The following METTL15 variants were observed in gnomAD, a reference collection of about 807,000 sequenced individuals.
The protein encoded by METTL15 is methyltransferase 15, mitochondrial 12S rRNA N4-cytidine, also known as 12S rRNA N(4)-cytidine methyltransferase METTL15.
A neutral mutation model predicts 38.3 loss-of-function variants in METTL15; 34 were observed. The observed-to-expected ratio is 0.89, with a 90% confidence interval of 0.68 to 1.18. The LOEUF (loss-of-function observed/expected upper bound fraction) is 1.18. METTL15 is among the 50% of genes most tolerant of loss of function. METTL15 has a pLI of 0.00. For missense variants in METTL15, 438 were observed against 498.4 expected, an observed-to-expected ratio of 0.88 and a Z score of 1.15; for synonymous variants, 162 against 170.9, an observed-to-expected ratio of 0.95 and a Z score of 0.41.
intron 5 of METTL15, among the ~76,000 whole-genome samples, chr11:28,411,462 G>A (rs530334436): frequency 2.4e-4 from 36 of 152,046 alleles, no homozygotes; most frequent in Admixed American, 1.2e-3. Flanking sequence ...TTTTCAGCAA[G>A]GGCATCAAGA....
intron 5 of METTL15, among the ~76,000 whole-genome samples, chr11:28,392,994 AG>A: frequency 6.6e-6 from 1 of 152,078 alleles, no homozygotes; most frequent in East Asian, 1.9e-4. Context: ...GGGAAAAAAA[AG>A]AAAAAAAAGC....
chr11:28,368,140 A>C (rs1472371792), intron 5 of METTL15, among the ~76,000 whole-genome samples: 5 of 144,612 alleles, frequency 3.5e-5, no homozygotes, highest in East Asian at 2.3e-4. Context: ...AAAAAAAAAA[A>C]AACAAAAAAA....
intron 6 of METTL15, among the ~76,000 whole-genome samples, chr11:28,445,971 T>C (rs1851072159): frequency 6.6e-6 from 1 of 152,164 alleles, no homozygotes; most frequent in Non-Finnish European, 1.5e-5. Context: ...TTTTATATTG[T>C]GTCCCTGAAT....
chr11:28,312,866 G>A (rs1857353719), intron 6 of METTL15, among the ~76,000 whole-genome samples: 1 of 152,066 alleles, frequency 6.6e-6, no homozygotes, highest in African/African-American at 2.4e-5. Context: ...ACAGTCTCAT[G>A]ACCTGATCAT....
chr11:28,346,408 G>A (rs1849996533), intron 3 of METTL15, among the ~76,000 whole-genome samples: 1 of 152,108 alleles, frequency 6.6e-6, no homozygotes, highest in South Asian at 2.1e-4. Context: ...CACCAAAAAT[G>A]CAATGAGTCA....
chr11:28,235,916 C>A (rs1016796920), intron 4 of METTL15, among the ~76,000 whole-genome samples: 11 of 151,984 alleles, frequency 7.2e-5, no homozygotes, highest in Admixed American at 2.0e-4. Context: ...CAGTTTTTGC[C>A]CATTCAGTAT....
At chr11:28,244,962 GCC>G (rs1368640897) in intron 4 of METTL15, among the ~76,000 whole-genome samples, 1 of 152,142 alleles carries the variant, frequency 6.6e-6, no homozygotes, top group Admixed American at 6.6e-5. Flanking sequence ...TCTTTGTGCA[GCC>G]TGCAAGGTTT....
chr11:28,457,151 T>A (rs1293742220), intron 6 of METTL15, among the ~76,000 whole-genome samples: 1 of 152,222 alleles, frequency 6.6e-6, no homozygotes, highest in Non-Finnish European at 1.5e-5. Flanking sequence ...GGTTCTAAGT[T>A]GTAAGAAGAC....
At chr11:28,371,198 G>A (rs1486882879) in intron 5 of METTL15, among the ~76,000 whole-genome samples, 1 of 151,818 alleles carries the variant, frequency 6.6e-6, no homozygotes, top group Non-Finnish European at 1.5e-5. Flanking sequence ...AATCCATTTT[G>A]ATTTGATTTT....
chr11:28,219,210 G>A (rs552730036), intron 4 of METTL15, among the ~76,000 whole-genome samples: 37 of 152,228 alleles, frequency 2.4e-4, no homozygotes, highest in African/African-American at 8.2e-4. Flanking sequence ...TGGTTGGTAA[G>A]CTATTAATTA....
At chr11:28,413,103 A>G (rs1364288610) in intron 5 of METTL15, among the ~76,000 whole-genome samples, 1 of 152,048 alleles carries the variant, frequency 6.6e-6, no homozygotes, top group Non-Finnish European at 1.5e-5. Context: ...CTTTTGAGAC[A>G]AAAAAATACT....
At chr11:28,301,455 T>G (rs1181689112) in intron 6 of METTL15, among the ~76,000 whole-genome samples, 1 of 152,128 alleles carries the variant, frequency 6.6e-6, no homozygotes, top group Non-Finnish European at 1.5e-5. Flanking sequence ...ATCTTATTGC[T>G]TGCTTACTAT....
intron 4 of METTL15, among the ~76,000 whole-genome samples, chr11:28,247,171 C>G (rs1470362454): frequency 1.3e-5 from 2 of 152,014 alleles, no homozygotes. Context: ...GCTGTGAATG[C>G]ACACTGATTT....
At chr11:28,353,749 C>A (rs1355168752) in intron 4 of METTL15, among the ~76,000 whole-genome samples, 1 of 151,390 alleles carries the variant, frequency 6.6e-6, no homozygotes, top group Admixed American at 6.6e-5. Context: ...CAAGGTGAAA[C>A]CCCGTCTCTA....
In METTL15 at chr11:28,171,703, T is replaced by A. The variant is rs145751965; in HGVS notation, c.271-39359T>A. Among the ~76,000 whole-genome samples the A allele has an allele frequency of 3.0e-4, 46 of 152,270 alleles. No individual in the cohort carries two copies. The Middle Eastern group carries it at 0.01, about 34-fold the overall frequency. The stretch of plus-strand genomic sequence containing the variant: ...TCATATTCTTGAATGTTTACTTCTT[T>A]GATACTTTCATAATTTGAGTATTTA... On this transcript the variant is annotated intron_variant, in intron 3 of 6. Transcript: ENST00000407364.
intron 3 of METTL15, among the ~76,000 whole-genome samples, chr11:28,177,940 C>T (rs952955797): frequency 2.6e-5 from 4 of 151,982 alleles, no homozygotes; most frequent in African/African-American, 9.7e-5. Flanking sequence ...AAGACATAAG[C>T]ATAATCGAAG....
intron 6 of METTL15, among the ~76,000 whole-genome samples, chr11:28,470,399 C>A (rs140927378): frequency 1.2e-4 from 19 of 152,180 alleles, no homozygotes; most frequent in African/African-American, 4.1e-4. Flanking sequence ...TGAATGTGAG[C>A]GGAAGTTATA....
At chr11:28,341,368 G>A (rs1406590945) in intron 3 of METTL15, among the ~76,000 whole-genome samples, 1 of 152,044 alleles carries the variant, frequency 6.6e-6, no homozygotes, top group Non-Finnish European at 1.5e-5. Flanking sequence ...ATACATGAAA[G>A]ATATTCTTTA....
chr11:28,390,310 A>G (rs1409155922), intron 5 of METTL15, among the ~76,000 whole-genome samples: 1 of 151,096 alleles, frequency 6.6e-6, no homozygotes, highest in Non-Finnish European at 1.5e-5. Context: ...GCCCATGCCT[A>G]TGTCCTGAAT....
Sources: gnomAD v4.1 joint callset for allele counts (sites outside exome capture counted in the v4.1 genomes callset) on GRCh38, gnomAD v4.1.1 for gene constraint, MANE v1.5 for transcripts, NCBI Gene and HGNC (gene_info 2026-07-23, HGNC 2026-07-21) for gene names.